The following NEXMIF variants were observed in gnomAD, a reference collection of about 807,000 sequenced individuals.
The protein encoded by NEXMIF is neurite extension and migration factor.
In NEXMIF, 8 loss-of-function variants were observed where a neutral mutation model predicts 62.1. The ratio of observed to expected loss-of-function variants is 0.13; its 90% CI spans 0.08 to 0.23. The LOEUF (loss-of-function observed/expected upper bound fraction) is 0.23, where lower values mean the gene tolerates loss of function less well. NEXMIF is among the 10% of genes least tolerant of loss of function. The probability of loss-of-function intolerance (pLI) is 1.00; values close to 1 mark genes in which losing one functional copy is unlikely to be tolerated. For synonymous variants in NEXMIF, 404 were observed against 416.6 expected, an observed-to-expected ratio of 0.97 and a Z score of 0.37; for missense variants, 976 against 1,113.3, an observed-to-expected ratio of 0.88 and a Z score of 1.75.
intron 1 of NEXMIF, among the ~76,000 whole-genome samples, chrX:74,830,343 G>A (rs761696607): frequency 1.8e-5 from 2 of 111,325 alleles, no homozygotes; most frequent in African/African-American, 3.3e-5. Flanking sequence ...CATCTTTGTC[G>A]AACACGAGCT....
chrX:74,819,635 A>C (rs2080388039), intron 1 of NEXMIF, among the ~76,000 whole-genome samples: 1 of 112,338 alleles, frequency 8.9e-6, no homozygotes, highest in Non-Finnish European at 1.9e-5. Context: ...AACCACAATG[A>C]GATACCATCC....
chrX:74,802,072 T>C (rs1303280874), intron 1 of NEXMIF, among the ~76,000 whole-genome samples: 3 of 111,872 alleles, frequency 2.7e-5, no homozygotes, highest in Non-Finnish European at 5.7e-5. Flanking sequence ...CTTCTAAGGT[T>C]TTGGACTCTA....
intron 1 of NEXMIF, among the ~76,000 whole-genome samples, chrX:74,777,550 GA>G (rs1202128537): frequency 4.5e-5 from 5 of 111,731 alleles, no homozygotes; most frequent in African/African-American, 1.6e-4. Flanking sequence ...TTTAAGGAGG[GA>G]AGAGATGCAT....
At chrX:74,896,762 G>A (rs2080734077) in intron 1 of NEXMIF, among the ~76,000 whole-genome samples, 1 of 111,674 alleles carries the variant, frequency 9.0e-6, no homozygotes, top group Non-Finnish European at 1.9e-5. Context: ...TGTGTGACAG[G>A]ATATTACTGT....
At chrX:74,824,836 G>T (rs1371275367) in intron 1 of NEXMIF, among the ~76,000 whole-genome samples, 1 of 110,087 alleles carries the variant, frequency 9.1e-6, no homozygotes, top group African/African-American at 3.3e-5. Flanking sequence ...TTTTAGTACA[G>T]ACAGAGTTTC....
At chrX:74,791,660 T>C (rs1376390668) in intron 1 of NEXMIF, among the ~76,000 whole-genome samples, 13 of 110,647 alleles carry the variant, frequency 1.2e-4, no homozygotes, top group African/African-American at 3.9e-4. Context: ...TCAGATCCTG[T>C]TATTGGTCTA....
chrX:74,865,722 C>T (rs1285994667), intron 1 of NEXMIF, among the ~76,000 whole-genome samples: 1 of 112,028 alleles, frequency 8.9e-6, no homozygotes, highest in African/African-American at 3.2e-5. Context: ...AGACCTGCAT[C>T]CCAGCCTCTC....
chrX:74,778,094 T>C (rs1270251008), intron 1 of NEXMIF, among the ~76,000 whole-genome samples: 1 of 111,960 alleles, frequency 8.9e-6, no homozygotes, highest in Non-Finnish European at 1.9e-5. Flanking sequence ...ATAAAGACTG[T>C]GCATGAACTT....
chrX:74,924,245 A>G (rs1220116669), intron 1 of NEXMIF, among the ~76,000 whole-genome samples: 1 of 111,429 alleles, frequency 9.0e-6, no homozygotes, highest in Non-Finnish European at 1.9e-5. Context: ...GAAGCCACAC[A>G]GAAAAGCGTC....
intron 1 of NEXMIF, among the ~76,000 whole-genome samples, chrX:74,908,683 C>T (rs1403452532): frequency 1.8e-5 from 2 of 112,680 alleles, no homozygotes; most frequent in Admixed American, 1.9e-4. Flanking sequence ...AAAATGTGCA[C>T]ATGCACGTGC....
chrX:74,752,469 C>A (rs2080147311), intron 1 of NEXMIF, among the ~76,000 whole-genome samples: 1 of 111,454 alleles, frequency 9.0e-6, no homozygotes, highest in Non-Finnish European at 1.9e-5. Flanking sequence ...TCTCCCTTCC[C>A]TTTTCTTTCT....
chrX:74,859,822 C>G (rs1024688348), intron 1 of NEXMIF, among the ~76,000 whole-genome samples: 49 of 111,350 alleles, frequency 4.4e-4, no homozygotes, highest in African/African-American at 1.6e-3. Flanking sequence ...TTTATGGAAA[C>G]AATGCTATGT....
chrX:74,839,567 C>T (rs2080467606), intron 1 of NEXMIF, among the ~76,000 whole-genome samples: 1 of 111,713 alleles, frequency 9.0e-6, no homozygotes, highest in African/African-American at 3.3e-5. Flanking sequence ...TGTCCTCCCA[C>T]CCTTCACCCT....
intron 1 of NEXMIF, among the ~76,000 whole-genome samples, chrX:74,901,552 C>T (rs1200811852): frequency 9.1e-6 from 1 of 109,660 alleles, no homozygotes; most frequent in Non-Finnish European, 1.9e-5. Context: ...CCAGAGAATT[C>T]TGCTGGACAA....
intron 1 of NEXMIF, among the ~76,000 whole-genome samples, chrX:74,923,798 A>G (rs935465555): frequency 8.9e-6 from 1 of 112,500 alleles, no homozygotes; most frequent in Non-Finnish European, 1.9e-5. Flanking sequence ...ATGTCTTTTC[A>G]GATAACAGTC....
Position 74,883,586 on chromosome X carries a change from A to G in NEXMIF, c.-48+41297T>C, listed in dbSNP as rs989158825. ...ATGAATGAAATGAAGTGTGAAGAGA[A>G]GTTTAGAGAAAAAAGAATAAAAAGA... On this transcript the variant is annotated intron_variant, in intron 1 of 3. Coordinates refer to ENST00000055682, the MANE Select transcript of NEXMIF (RefSeq NM_001008537.3). Among the ~76,000 whole-genome samples, 3 of 111,788 alleles carry G rather than the reference A, an allele frequency of 2.7e-5. No individual in the cohort carries two copies. The East Asian group carries it at 8.4e-4, about 31-fold the overall frequency.
chrX:74,768,362 A>G (rs1809059157), intron 1 of NEXMIF, among the ~76,000 whole-genome samples: 1 of 112,017 alleles, frequency 8.9e-6, no homozygotes, highest in Non-Finnish European at 1.9e-5. Flanking sequence ...AAGGTGCTGT[A>G]TCTACTTGCC....
intron 1 of NEXMIF, among the ~76,000 whole-genome samples, chrX:74,756,735 T>C (rs1206209815): frequency 8.9e-6 from 1 of 111,821 alleles, no homozygotes; most frequent in Non-Finnish European, 1.9e-5. Context: ...CAGAGCACCA[T>C]AGTTTGAAAT....
In NEXMIF at chrX:74,858,993, A is replaced by T. The variant is rs1156773509; in HGVS notation, c.-48+65890T>A. Among the ~76,000 whole-genome samples, 4 of 110,498 alleles carry T rather than the reference A, an allele frequency of 3.6e-5. No homozygotes were observed. The East Asian group carries it at 1.2e-3, about 32-fold the overall frequency. Reference sequence around the variant, plus strand: ...AGTAGACAAAAGAAAAAAATAGAAAAGAATGATGCATGCCTATAAAATCTA... The same window carrying T: ...AGTAGACAAAAGAAAAAAATAGAAATGAATGATGCATGCCTATAAAATCTA... On this transcript the variant is annotated intron_variant, in intron 1 of 3. Transcript: ENST00000055682.
Sources: gnomAD v4.1 joint callset for allele counts (sites outside exome capture counted in the v4.1 genomes callset) on GRCh38, gnomAD v4.1.1 for gene constraint, MANE v1.5 for transcripts, NCBI Gene and HGNC (gene_info 2026-07-23, HGNC 2026-07-21) for gene names.